PCDHA3: variants seen among roughly 807,000 people sequenced by gnomAD.
PCDHA3 encodes protocadherin alpha-3.
In PCDHA3, 41 loss-of-function variants were observed where a neutral mutation model predicts 62.2. That is an observed-to-expected ratio of 0.66 (90% CI 0.51 to 0.86). PCDHA3 has a LOEUF of 0.86. Ranked by LOEUF, PCDHA3 falls within the 40% of genes least tolerant of loss-of-function variation. PCDHA3 has a pLI of 0.00. For missense variants in PCDHA3, 1,304 were observed against 1,241.2 expected (o/e 1.05, Z -0.76); for synonymous variants, 640 against 555.4 (o/e 1.15, Z -2.14).
At chr5:140,974,320 CT>C (rs2096622624) in intron 1 of PCDHA3, among the ~76,000 whole-genome samples, 1 of 152,206 alleles carries the variant, frequency 6.6e-6, no homozygotes, top group Non-Finnish European at 1.5e-5. Context: ...GAGAGAGTAG[CT>C]GCTGTGCTAG....
chr5:140,853,126 G>T, intron 1 of PCDHA3: 1 of 560,330 alleles, frequency 1.8e-6, no homozygotes. Flanking sequence ...TGATCCTCCC[G>T]CCTCAGCCTC....
At chr5:140,850,244 G>A (rs2150475347) in intron 1 of PCDHA3, 2 of 1,593,676 alleles carry the variant, frequency 1.3e-6, no homozygotes, top group East Asian at 2.2e-5. Flanking sequence ...TGGTGCTGCG[G>A]TCGGTGGGCG....
chr5:140,835,790 G>T (rs1203887296), intron 1 of PCDHA3: 1 of 1,613,158 alleles, frequency 6.2e-7, no homozygotes, highest in South Asian at 1.1e-5. Flanking sequence ...AGAACAACCC[G>T]CCGGGCTGCC....
chr5:140,871,036 C>G (rs781977409), intron 1 of PCDHA3: 3 of 1,613,274 alleles, frequency 1.9e-6, no homozygotes, highest in East Asian at 4.5e-5. Flanking sequence ...GCCGCGCCAC[C>G]GACTTCTAGT....
chr5:141,000,419 A>ATTTTTT (rs1563652468), intron 3 of PCDHA3, among the ~76,000 whole-genome samples: 3 of 60,996 alleles, frequency 4.9e-5, no homozygotes, highest in African/African-American at 7.6e-5. Context: ...ATATATATAT[A>ATTTTTT]TATTTTTTTT....
In PCDHA3 at chr5:140,926,182, C is replaced by G. The variant is rs1041630365; in HGVS notation, c.2395-52767C>G. Among the ~76,000 whole-genome samples, 27 of 151,858 alleles carry G rather than the reference C, an allele frequency of 1.8e-4. No individual in the cohort carries two copies. The East Asian group carries it at 2.5e-3, about 14-fold the overall frequency. On this transcript the variant is annotated intron_variant, in intron 1 of 3. Coordinates refer to ENST00000522353, the MANE Select transcript of PCDHA3 (RefSeq NM_018906.3). ...CAGCAGGATCCAGCGCGGAAAGCCC[C>G]CCGCAGCACTTCTTTCGGGGGGCTC...
intron 1 of PCDHA3, chr5:140,807,618 A>C (rs1177804428): frequency 1.2e-6 from 2 of 1,614,184 alleles, no homozygotes. Context: ...TCCATCGCGG[A>C]ATCCAGGCCG....
intron 1 of PCDHA3, among the ~76,000 whole-genome samples, chr5:140,971,297 T>C (rs1246980755): frequency 4.6e-5 from 7 of 152,222 alleles, no homozygotes; most frequent in Non-Finnish European, 1.0e-4. Context: ...TGTACTTTGG[T>C]ACACAAACAT....
chr5:140,803,213 T>C lies in PCDHA3; in HGVS notation c.2016T>C (p.Ser672=). Residue 672 remains serine (S), a synonymous_variant, in exon 1 of 4, where the codon AGT becomes AGC. Coordinates refer to ENST00000522353, the MANE Select transcript of PCDHA3 (RefSeq NM_018906.3). ...TATVLVSLVE[S]GQAPKASSQA... ...CTGTGCTGGTGTCGCTGGTGGAGAG[T>C]GGCCAGGCACCCAAGGCCTCGTCCC... 1.2e-6 allele frequency: 2 copies of C among 1,613,656 alleles called. No homozygotes were observed. The highest frequency in any genetic ancestry group is 1.7e-6 in the Non-Finnish European group (2 of 1,179,882).
rs137875021 is a variant in PCDHA3, at chr5:140,942,837, A to C, written c.2395-36112A>C. Among the ~76,000 whole-genome samples, 666 of 152,296 alleles carry C rather than the reference A, an allele frequency of 4.4e-3. 3 individuals are homozygous for C. Among genetic ancestry groups the C allele is most frequent in the African/African-American group, 0.016 (646 of 41,564 alleles). On this transcript the variant is annotated intron_variant, in intron 1 of 3. Transcript: ENST00000522353. ...TTGGATTTGGCCCTGTGTCAATAAA[A>C]ATTCCAGTAAGATGATTATTTTGCT...
intron 1 of PCDHA3, chr5:140,851,862 A>G: frequency 2.0e-6 from 2 of 976,238 alleles, no homozygotes; most frequent in Non-Finnish European, 2.5e-6. Context: ...CAGCTCATAC[A>G]TAACACAAGG....
intron 1 of PCDHA3, chr5:140,855,985 T>C (rs1308397078): frequency 1.4e-6 from 2 of 1,473,214 alleles, no homozygotes; most frequent in East Asian, 2.3e-5. Flanking sequence ...GGACAGAAAA[T>C]GTCAGATCGT....
chr5:140,945,387 T>C (rs1249675973), intron 1 of PCDHA3, among the ~76,000 whole-genome samples: 1 of 152,102 alleles, frequency 6.6e-6, no homozygotes, highest in Non-Finnish European at 1.5e-5. Flanking sequence ...CAAAGCAATA[T>C]ACAAATTCAA....
chr5:140,977,340 G>T (rs2096757114), intron 1 of PCDHA3, among the ~76,000 whole-genome samples: 1 of 152,198 alleles, frequency 6.6e-6, no homozygotes, highest in African/African-American at 2.4e-5. Context: ...GAGAGACGGT[G>T]ATGATGACTG....
rs782167817 is a variant in PCDHA3 at position 140,875,512 on chromosome 5, C to G, written c.2394+71921C>G. Reference sequence around the variant, plus strand: ...ACCAAGAGGCCCGGGATCCCAGCGTCTGCTGCTCTCGCTTCTGCTCCTTGC... The same window carrying G: ...ACCAAGAGGCCCGGGATCCCAGCGTGTGCTGCTCTCGCTTCTGCTCCTTGC... On this transcript the variant is annotated intron_variant, in intron 1 of 3. Coordinates refer to ENST00000522353, the MANE Select transcript of PCDHA3 (RefSeq NM_018906.3). 3 of 1,613,928 alleles carry G rather than the reference C, an allele frequency of 1.9e-6. No individual in the cohort carries two copies. The East Asian group carries it at 6.7e-5, about 36-fold the overall frequency.
chr5:140,869,005 G>C, intron 1 of PCDHA3: 1 of 1,521,546 alleles, frequency 6.6e-7, no homozygotes, highest in Non-Finnish European at 8.8e-7. Context: ...AGGATCCTTT[G>C]AAACTTCTTA....
rs2150264358 is a variant in PCDHA3 at position 140,836,572 on chromosome 5, G to A, written c.2394+32981G>A. On this transcript the variant is annotated intron_variant, in intron 1 of 3. Transcript: ENST00000522353. ...CGGTGCTCAGCGCCGTCCTCTGAGG[G>A]CGCATGTAGTTTGGTAAAGCCCACT... is the stretch of plus-strand genomic sequence containing the variant. The A allele has an allele frequency of 1.9e-6, 3 of 1,613,740 alleles. No homozygotes were observed. The highest frequency in any genetic ancestry group is 4.5e-5 in the East Asian group (2 of 44,838).
intron 1 of PCDHA3, chr5:140,816,109 G>C (rs1554126971): frequency 1.3e-5 from 2 of 152,000 alleles, no homozygotes; most frequent in South Asian, 2.1e-4. Flanking sequence ...TTCTCTTATG[G>C]CTTCTTCTTT....
intron 1 of PCDHA3, chr5:140,877,314 G>C (rs2057020187): frequency 6.2e-7 from 1 of 1,613,972 alleles, no homozygotes; most frequent in Non-Finnish European, 8.5e-7. Flanking sequence ...TGCAACCGGC[G>C]GCGGTCGGCG....
Sources: allele counts gnomAD v4.1 joint callset (sites outside exome capture counted in the v4.1 genomes callset), GRCh38; gene constraint gnomAD v4.1.1; transcripts MANE v1.5; gene names NCBI Gene and HGNC (gene_info 2026-07-23, HGNC 2026-07-21).